LHFPL3: variants seen among roughly 807,000 people sequenced by gnomAD.
LHFPL3 encodes the protein LHFPL tetraspan subfamily member 3, also known as LHFPL tetraspan subfamily member 3 protein.
LHFPL3 carries 5 observed loss-of-function variants against 19.3 expected under a neutral mutation model. The ratio of observed to expected loss-of-function variants is 0.26; its 90% CI spans 0.14 to 0.54. The LOEUF (loss-of-function observed/expected upper bound fraction) is 0.54, where lower values mean the gene tolerates loss of function less well. Among genes scored for constraint, LHFPL3 ranks in the 20% least tolerant of loss-of-function variants. The pLI is 0.94. For synonymous variants in LHFPL3, 133 were observed against 126.2 expected (o/e 1.05, Z -0.36); for missense variants, 249 against 307.4 (o/e 0.81, Z 1.42).
intron 1 of LHFPL3, among the ~76,000 whole-genome samples, chr7:104,712,157 G>A (rs1793310330): frequency 1.3e-5 from 2 of 152,146 alleles, no homozygotes; most frequent in African/African-American, 2.4e-5. Context: ...AGAAGAAGAG[G>A]CAGAAGAGAA....
chr7:104,750,662 G>T (rs574985335), intron 2 of LHFPL3, among the ~76,000 whole-genome samples: 55 of 152,348 alleles, frequency 3.6e-4, no homozygotes, highest in African/African-American at 1.3e-3. Context: ...GAGACTGCTT[G>T]TATAGTACAT....
At chr7:104,780,995 C>A (rs1479075385) in intron 2 of LHFPL3, among the ~76,000 whole-genome samples, 1 of 152,196 alleles carries the variant, frequency 6.6e-6, no homozygotes, top group African/African-American at 2.4e-5. Flanking sequence ...ACATCCTCAA[C>A]TCCTTTGCCA....
chr7:104,835,716 A>C (rs538760980), intron 2 of LHFPL3, among the ~76,000 whole-genome samples: 1 of 131,994 alleles, frequency 7.6e-6, no homozygotes, highest in Non-Finnish European at 1.7e-5. Context: ...ACTTCACATG[A>C]TGTATTTGAC....
chr7:104,455,841 T>C (rs1792527956), intron 1 of LHFPL3, among the ~76,000 whole-genome samples: 1 of 152,222 alleles, frequency 6.6e-6, no homozygotes, highest in Non-Finnish European at 1.5e-5. Context: ...AGAAAAATAT[T>C]CAAAAAGTCA....
intron 1 of LHFPL3, among the ~76,000 whole-genome samples, chr7:104,464,488 G>A (rs1345052381): frequency 1.3e-5 from 2 of 152,228 alleles, no homozygotes; most frequent in South Asian, 2.1e-4. Flanking sequence ...GAGGTTCTCT[G>A]TGAGGGTTCC....
intron 1 of LHFPL3, among the ~76,000 whole-genome samples, chr7:104,536,829 C>T (rs1052676144): frequency 2.6e-5 from 4 of 152,214 alleles, no homozygotes; most frequent in East Asian, 3.8e-4. Context: ...CAAGCCAATA[C>T]ATTTACAATA....
At chr7:104,588,504 G>C (rs980522565) in intron 1 of LHFPL3, among the ~76,000 whole-genome samples, 3 of 152,198 alleles carry the variant, frequency 2.0e-5, no homozygotes, top group African/African-American at 7.2e-5. Flanking sequence ...GTACCATGCT[G>C]TTTTGGTTAC....
intron 2 of LHFPL3, among the ~76,000 whole-genome samples, chr7:104,862,910 T>C (rs767397025): frequency 1.4e-4 from 21 of 152,330 alleles, no homozygotes; most frequent in Non-Finnish European, 2.4e-4. Flanking sequence ...CTGCTCCGCC[T>C]GGTGGTCTGA....
intron 2 of LHFPL3, among the ~76,000 whole-genome samples, chr7:104,738,446 G>C (rs565436518): frequency 6.6e-6 from 1 of 152,242 alleles, no homozygotes; most frequent in South Asian, 2.1e-4. Flanking sequence ...TAAAAGCCTA[G>C]CTTGTTCTGC....
intron 2 of LHFPL3, among the ~76,000 whole-genome samples, chr7:104,748,449 G>A (rs1272867125): frequency 5.6e-5 from 7 of 124,492 alleles, no homozygotes; most frequent in Non-Finnish European, 8.3e-5. Context: ...GGAATGTCTC[G>A]GTATAAAACC....
chr7:104,358,608 C>T (rs935456904), intron 1 of LHFPL3, among the ~76,000 whole-genome samples: 2 of 152,114 alleles, frequency 1.3e-5, no homozygotes, highest in Non-Finnish European at 2.9e-5. Flanking sequence ...TGTATTGAGC[C>T]ATAAAGACAA....
chr7:104,741,180 C>T (rs138224907), intron 2 of LHFPL3, among the ~76,000 whole-genome samples: 72 of 152,296 alleles, frequency 4.7e-4, no homozygotes, highest in African/African-American at 1.7e-3. Flanking sequence ...CCCCAATCCT[C>T]TTTTCAGTGT....
chr7:104,551,281 C>T (rs1191780578), intron 1 of LHFPL3, among the ~76,000 whole-genome samples: 1 of 152,160 alleles, frequency 6.6e-6, no homozygotes, highest in Non-Finnish European at 1.5e-5. Flanking sequence ...TGCATTTCTT[C>T]CTTTCTTAGG....
At chr7:104,712,634 C>G (rs1415846549) in intron 1 of LHFPL3, among the ~76,000 whole-genome samples, 1 of 152,168 alleles carries the variant, frequency 6.6e-6, no homozygotes, top group South Asian at 2.1e-4. Context: ...CCTCTAGAAG[C>G]TGAAACAGGC....
chr7:104,607,669 C>T (rs1362758579), intron 1 of LHFPL3, among the ~76,000 whole-genome samples: 1 of 152,082 alleles, frequency 6.6e-6, no homozygotes, highest in African/African-American at 2.4e-5. Flanking sequence ...AACTAAAGAG[C>T]TTCTGCACAG....
At chr7:104,747,964 GT>G (rs1295205341) in intron 2 of LHFPL3, among the ~76,000 whole-genome samples, 4 of 152,122 alleles carry the variant, frequency 2.6e-5, no homozygotes. Flanking sequence ...CTGTGTCTGT[GT>G]AGAAAGAAGT....
At chr7:104,557,049 CA>C (rs1464044956) in intron 1 of LHFPL3, among the ~76,000 whole-genome samples, 1 of 152,184 alleles carries the variant, frequency 6.6e-6, no homozygotes, top group African/African-American at 2.4e-5. Flanking sequence ...ATATTATTAT[CA>C]ACATTTTGGT....
At chr7:104,591,169 G>A (rs1411780124) in intron 1 of LHFPL3, among the ~76,000 whole-genome samples, 3 of 152,106 alleles carry the variant, frequency 2.0e-5, no homozygotes, top group Non-Finnish European at 2.9e-5. Context: ...ACGTTAGCTG[G>A]TTATTTTGCT....
chr7:104,666,671 G>A (rs1165655896), intron 1 of LHFPL3, among the ~76,000 whole-genome samples: 1 of 149,632 alleles, frequency 6.7e-6, no homozygotes, highest in African/African-American at 2.4e-5. Flanking sequence ...ACAGGCGCCC[G>A]CCACTACGCC....
Sources: allele counts gnomAD v4.1 joint callset (sites outside exome capture counted in the v4.1 genomes callset), GRCh38; gene constraint gnomAD v4.1.1; transcripts MANE v1.5; gene names NCBI Gene and HGNC (gene_info 2026-07-23, HGNC 2026-07-21).